The following PLA1A variants were observed in gnomAD, a reference collection of about 807,000 sequenced individuals.
PLA1A encodes the protein phosphatidylserine-specific phospholipase A1alpha.
PLA1A carries 47 observed loss-of-function variants against 49.4 expected under a neutral mutation model. That is an observed-to-expected ratio of 0.95 (90% CI 0.75 to 1.21). PLA1A has a LOEUF of 1.21. Among genes scored for constraint, PLA1A ranks in the 50% most tolerant of loss-of-function variants. The pLI is 0.00. For missense variants in PLA1A, 561 were observed against 563.9 expected, an observed-to-expected ratio of 0.99 and a Z score of 0.05; for synonymous variants, 224 against 207.9, an observed-to-expected ratio of 1.08 and a Z score of -0.67.
intron 7 of PLA1A, 130 bp downstream of exon 7, chr3:119,618,316 A>G: frequency 1.2e-6 from 1 of 813,184 alleles, no homozygotes; most frequent in Non-Finnish European, 2.0e-6. Context: ...AAATTAAGCA[A>G]TGAGGTGCTC....
rs5852212 is a variant in PLA1A, at chr3:119,608,757, GC to G, written c.276-8del. On this transcript the variant is annotated splice_polypyrimidine_tract_variant and intron_variant, in intron 2 of 10. Transcript: ENST00000273371. ...CAGGTAATTTTTCCATTCTTTTTTGGCCCCCTGTCTAGGGTTTTAGGAACAA... is the reference window on the plus strand; with the variant it reads ...CAGGTAATTTTTCCATTCTTTTTTGGCCCCTGTCTAGGGTTTTAGGAACAA... 0.22 allele frequency: 343,030 copies of G among 1,594,530 alleles called. 41,181 individuals are homozygous for G. Among genetic ancestry groups the G allele is most frequent in the East Asian group, 0.48 (21,235 of 44,636 alleles).
intron 8 of PLA1A, among the ~76,000 whole-genome samples, chr3:119,620,985 A>G (rs950063051): frequency 6.6e-6 from 1 of 152,250 alleles, no homozygotes; most frequent in Admixed American, 6.5e-5. Context: ...CCATCTTCTG[A>G]GAACCTGCTG....
chr3:119,619,715 G>GGCTACCACACTGGGC, intron 8 of PLA1A, 63 bp downstream of exon 8: 1 of 1,113,350 alleles, frequency 9.0e-7, no homozygotes, highest in Non-Finnish European at 1.4e-6. Context: ...GTCCAGCCCA[G>GGCTACCACACTGGGC]TGTGGTAGCC....
At chr3:119,608,242 G>GAGA (rs1553790728) in intron 2 of PLA1A, among the ~76,000 whole-genome samples, 5 of 123,828 alleles carry the variant, frequency 4.0e-5, no homozygotes, top group Admixed American at 8.6e-5. Flanking sequence ...GAAAGAAAGA[G>GAGA]AGAAAGAAAG....
At chr3:119,598,388 T>C (rs1310723208) in intron 1 of PLA1A, among the ~76,000 whole-genome samples, 3 of 152,210 alleles carry the variant, frequency 2.0e-5, no homozygotes, top group Non-Finnish European at 2.9e-5. Context: ...GTCACTGAGA[T>C]TGTTAGATGT....
At chr3:119,613,189 T>C in intron 5 of PLA1A, 71 bp downstream of exon 5, 1 of 1,010,754 alleles carries the variant, frequency 9.9e-7, no homozygotes. Context: ...GGCATCTAGC[T>C]CTGTGGCCCT....
chr3:119,612,887 AT>A, intron 4 of PLA1A, 129 bp from the exon 5 acceptor site: 1 of 579,126 alleles, frequency 1.7e-6, no homozygotes. Flanking sequence ...TCCTCAGCTA[AT>A]TCTCCCAACC....
intron 6 of PLA1A, among the ~76,000 whole-genome samples, chr3:119,617,444 C>T (rs1383746919): frequency 6.6e-6 from 1 of 151,872 alleles, no homozygotes; most frequent in South Asian, 2.1e-4. Context: ...TTTGCATGAT[C>T]ATATAATCCA....
In PLA1A at chr3:119,629,467, A is replaced by G; in HGVS notation, c.1370A>G (p.Ter457TrpextTer16). The part of the protein sequence containing the change: ...VSCDLKIACV[*>W] ...TGTGACCTGAAGATAGCCTGTGTGT[A>G]GTTTAACCTGGGCAGGACACATCTC... The change falls in exon 11 of 11, where the codon TAG becomes TGG. Residue 457 changes from the stop codon to tryptophan, a stop_lost. Coordinates refer to ENST00000273371, the MANE Select transcript of PLA1A (RefSeq NM_015900.4). 6.5e-7 allele frequency: 1 copy of G among 1,529,814 alleles called. No individual in the cohort carries two copies. Among genetic ancestry groups the G allele is most frequent in the Non-Finnish European group, 9.0e-7 (1 of 1,105,750 alleles). The allele number at this position is 1,529,814 out of a possible 1,614,324, so 94.8% of individuals were successfully genotyped here. A position where few individuals can be genotyped will look rare whatever the true frequency, so the allele number is the denominator to read the frequency against.
intron 1 of PLA1A, among the ~76,000 whole-genome samples, chr3:119,604,129 A>C (rs75118229): frequency 0.024 from 3,616 of 152,356 alleles, 63 homozygotes; most frequent in Middle Eastern, 0.068. Context: ...TAAAAGGTTA[A>C]AAGGGTGTTT....
intron 5 of PLA1A, among the ~76,000 whole-genome samples, chr3:119,615,326 G>A (rs1287819813): frequency 1.3e-5 from 2 of 152,102 alleles, no homozygotes; most frequent in African/African-American, 4.8e-5. Flanking sequence ...TCAGTCAGGA[G>A]AGCACAAAAG....
At chr3:119,601,750 A>G (rs2082620859) in intron 1 of PLA1A, among the ~76,000 whole-genome samples, 1 of 152,244 alleles carries the variant, frequency 6.6e-6, no homozygotes, top group South Asian at 2.1e-4. Flanking sequence ...AAGCAGTGAT[A>G]GCAGACATTT....
At chr3:119,607,598 A>G (rs945795056) in intron 2 of PLA1A, among the ~76,000 whole-genome samples, 9 of 152,214 alleles carry the variant, frequency 5.9e-5, no homozygotes, top group African/African-American at 2.2e-4. Flanking sequence ...ATGAAAAGGT[A>G]GACACAAAGG....
intron 8 of PLA1A, among the ~76,000 whole-genome samples, chr3:119,622,799 G>T (rs1381607892): frequency 2.6e-5 from 4 of 151,870 alleles, no homozygotes; most frequent in Non-Finnish European, 4.4e-5. Flanking sequence ...AGGACAGTGT[G>T]TTAGGGAAAC....
chr3:119,626,999 C>A (rs1196176910), intron 9 of PLA1A, among the ~76,000 whole-genome samples: 3 of 152,196 alleles, frequency 2.0e-5, no homozygotes, highest in Non-Finnish European at 4.4e-5. Flanking sequence ...ACAACCCTGA[C>A]TGCACGTTAG....
rs1438916376 is a variant in PLA1A, at chr3:119,625,218, A to G, written c.1107A>G (p.Ser369=). 3 of 1,606,566 alleles carry G rather than the reference A, an allele frequency of 1.9e-6. No homozygotes were observed. The Admixed American group carries it at 5.0e-5, about 27-fold the overall frequency. The change falls in exon 9 of 11, where the codon TCA becomes TCG. Residue 369 remains serine (S), a synonymous_variant. Transcript: ENST00000273371. ...TCCTTAGCAGTAACATCACCTCTTCATCTAAGATCACCATGTACGTAAGTG... is the reference window on the plus strand; with the variant it reads ...TCCTTAGCAGTAACATCACCTCTTCGTCTAAGATCACCATGTACGTAAGTG... ...VTFLSSNITS[S]SKITIPKQQR...
chr3:119,601,128 A>G (rs1248269138), intron 1 of PLA1A, among the ~76,000 whole-genome samples: 1 of 152,242 alleles, frequency 6.6e-6, no homozygotes. Context: ...CAACTCTGTC[A>G]CTGCCAGAAC....
intron 8 of PLA1A, chr3:119,620,250 A>T (rs537023495): frequency 3.9e-5 from 17 of 430,692 alleles, no homozygotes; most frequent in South Asian, 2.9e-4. Context: ...TAGGGTGACT[A>T]TACTTCCTGG....
At chr3:119,609,615 T>C (rs200641545) in intron 4 of PLA1A, 39 bp downstream of exon 4, 24,479 of 1,086,918 alleles carry the variant, frequency 0.023, 313 homozygotes, top group Non-Finnish European at 0.03. Context: ...GCTTTAGAGA[T>C]AGAGAAAGCT....
Sources: allele counts gnomAD v4.1 joint callset (sites outside exome capture counted in the v4.1 genomes callset), GRCh38; gene constraint gnomAD v4.1.1; transcripts MANE v1.5; gene names NCBI Gene and HGNC (gene_info 2026-07-23, HGNC 2026-07-21).